DLG2: variants seen among roughly 807,000 people sequenced by gnomAD.
The protein encoded by DLG2 is discs large MAGUK scaffold protein 2.
Under a neutral mutation model 132.5 loss-of-function variants are expected in DLG2, and 45 were observed. That is an observed-to-expected ratio of 0.34 (90% CI 0.27 to 0.44). The LOEUF is 0.44. Ranked by LOEUF, DLG2 falls within the 20% of genes least tolerant of loss-of-function variation. DLG2 has a pLI of 1.00. For synonymous variants in DLG2, 424 were observed against 419.6 expected, an observed-to-expected ratio of 1.01 and a Z score of -0.13; for missense variants, 1,045 against 1,196.9, an observed-to-expected ratio of 0.87 and a Z score of 1.87.
intron 18 of DLG2, among the ~76,000 whole-genome samples, chr11:83,683,778 T>C (rs1177574885): frequency 2.0e-5 from 3 of 152,116 alleles, no homozygotes; most frequent in African/African-American, 7.2e-5. Context: ...TTTTAAGATG[T>C]TAATTTTACT....
chr11:84,534,797 C>G, intron 6 of DLG2, 66 bp from the exon 7 acceptor site: 1 of 1,548,300 alleles, frequency 6.5e-7, no homozygotes, highest in Non-Finnish European at 8.9e-7. Context: ...ATAGACTGAA[C>G]TTCATATTCT....
intron 3 of DLG2, among the ~76,000 whole-genome samples, chr11:85,440,491 G>C (rs1307245507): frequency 2.0e-5 from 3 of 152,172 alleles, no homozygotes; most frequent in African/African-American, 7.2e-5. Context: ...CCAAGAGTAT[G>C]CCTTTGTACA....
intron 3 of DLG2, among the ~76,000 whole-genome samples, chr11:85,583,696 A>G (rs1275032000): frequency 6.6e-6 from 1 of 152,182 alleles, no homozygotes; most frequent in East Asian, 1.9e-4. Flanking sequence ...GCCAGAACTG[A>G]CAGGATAAAG....
chr11:84,259,395 A>G (rs1234467995), intron 7 of DLG2, among the ~76,000 whole-genome samples: 3 of 152,116 alleles, frequency 2.0e-5, no homozygotes, highest in East Asian at 1.9e-4. Flanking sequence ...GTGCAGTTCA[A>G]TCCAGCCCAG....
At chr11:84,673,425 G>A (rs897724039) in intron 6 of DLG2, among the ~76,000 whole-genome samples, 5 of 151,914 alleles carry the variant, frequency 3.3e-5, no homozygotes, top group African/African-American at 1.2e-4. Context: ...TCAAAAATAA[G>A]CTGTTTCCTC....
intron 11 of DLG2, among the ~76,000 whole-genome samples, chr11:84,036,725 C>T (rs540597190): frequency 3.3e-5 from 5 of 152,126 alleles, no homozygotes; most frequent in African/African-American, 1.2e-4. Flanking sequence ...TTGTGAATTA[C>T]AATAACAAGG....
chr11:84,163,429 G>A (rs1214710989), intron 9 of DLG2, 32 bp downstream of exon 9: 1 of 1,562,002 alleles, frequency 6.4e-7, no homozygotes, highest in Non-Finnish European at 8.7e-7. Flanking sequence ...ATGCAAGATT[G>A]GGGCTTTGGA....
In DLG2 at chr11:84,219,353, G is replaced by A. The variant is rs151302210; in HGVS notation, c.573+31885C>T. 3.7e-4 allele frequency among the ~76,000 whole-genome samples: 57 copies of A among 152,182 alleles called. 2 individuals are homozygous for A. In the East Asian group the frequency reaches 9.7e-3, roughly 26 times the overall value. On this transcript the variant is annotated intron_variant, in intron 8 of 27. Transcript: ENST00000376104. ...TGTGTGAGAGGTACTCTATTGTTAC[G>A]GGGAGATTTTGAACTTGAGAATTGA...
rs549643772 is a variant in DLG2, at chr11:85,278,284, T to C, written c.186+6936A>G. On this transcript the variant is annotated intron_variant, in intron 4 of 27. Transcript: ENST00000376104. ...AATACCTACCTACCGCTTCAAATCT[T>C]ATTTAAAATGAAGTGAGGAATGAAT... Among the ~76,000 whole-genome samples the C allele has an allele frequency of 3.3e-4, 50 of 152,314 alleles. 1 individual carries two copies. The South Asian group carries it at 1.0e-2, about 30-fold the overall frequency.
At chr11:85,039,319 G>C (rs554623801) in intron 6 of DLG2, among the ~76,000 whole-genome samples, 1 of 151,650 alleles carries the variant, frequency 6.6e-6, no homozygotes, top group African/African-American at 2.4e-5. Context: ...ATTCACCCAC[G>C]ATATCTTATA....
chr11:84,364,944 G>T (rs1002850368), intron 7 of DLG2, among the ~76,000 whole-genome samples: 24 of 152,134 alleles, frequency 1.6e-4, no homozygotes, highest in Non-Finnish European at 2.8e-4. Flanking sequence ...TTGCATCAAT[G>T]ATCATCAAGG....
chr11:84,757,002 G>C (rs753369915), intron 6 of DLG2, among the ~76,000 whole-genome samples: 1 of 152,158 alleles, frequency 6.6e-6, no homozygotes, highest in Non-Finnish European at 1.5e-5. Flanking sequence ...TACATATTTA[G>C]TTTTTTATCA....
chr11:83,545,068 TG>T (rs1451895808), intron 19 of DLG2, among the ~76,000 whole-genome samples: 1 of 152,152 alleles, frequency 6.6e-6, no homozygotes, highest in East Asian at 1.9e-4. Context: ...AGGCTCCTTC[TG>T]GATGTAAACT....
intron 7 of DLG2, among the ~76,000 whole-genome samples, chr11:84,280,185 AT>A (rs1236401884): frequency 6.6e-5 from 10 of 152,362 alleles, no homozygotes; most frequent in Admixed American, 1.3e-4. Flanking sequence ...AGAACACAAG[AT>A]TAATATCCAA....
chr11:84,513,141 A>T (rs925657571), intron 7 of DLG2, among the ~76,000 whole-genome samples: 8 of 150,420 alleles, frequency 5.3e-5, no homozygotes, highest in Non-Finnish European at 1.5e-5. Context: ...CCCAGAACTT[A>T]AAGTAAAATA....
intron 6 of DLG2, among the ~76,000 whole-genome samples, chr11:84,948,078 A>C (rs1340891924): frequency 1.3e-5 from 2 of 152,130 alleles, no homozygotes; most frequent in African/African-American, 4.8e-5. Flanking sequence ...TGGAATTTCT[A>C]GCTTTAGTAA....
intron 6 of DLG2, among the ~76,000 whole-genome samples, chr11:84,771,849 A>C (rs560947294): frequency 6.6e-6 from 1 of 152,222 alleles, no homozygotes; most frequent in African/African-American, 2.4e-5. Context: ...CAGAATTCCA[A>C]GTTGGGTTAA....
intron 19 of DLG2, among the ~76,000 whole-genome samples, chr11:83,585,003 T>C (rs943128149): frequency 7.9e-5 from 12 of 152,214 alleles, no homozygotes; most frequent in African/African-American, 2.9e-4. Flanking sequence ...ATCATGTAAC[T>C]GCTTCTGTGC....
chr11:84,585,877 G>C (rs531239824), intron 6 of DLG2, among the ~76,000 whole-genome samples: 11 of 152,104 alleles, frequency 7.2e-5, no homozygotes, highest in Non-Finnish European at 1.2e-4. Context: ...TAGCGTTAAC[G>C]CTGTGGGCTT....
Sources: gnomAD v4.1 joint callset for allele counts (sites outside exome capture counted in the v4.1 genomes callset) on GRCh38, gnomAD v4.1.1 for gene constraint, MANE v1.5 for transcripts, NCBI Gene and HGNC (gene_info 2026-07-23, HGNC 2026-07-21) for gene names.